ATP8B4: variants seen among roughly 807,000 people sequenced by gnomAD.
ATP8B4 encodes the protein probable phospholipid-transporting ATPase IM.
A neutral mutation model predicts 145.6 loss-of-function variants in ATP8B4; 133 were observed. The observed-to-expected ratio is 0.91, with a 90% CI of 0.79 to 1.05. The LOEUF (loss-of-function observed/expected upper bound fraction) is 1.05. Ranked by LOEUF, ATP8B4 falls within the 50% of genes least tolerant of loss-of-function variation. The pLI, the probability that ATP8B4 is intolerant of heterozygous loss-of-function variation, is 0.00. For synonymous variants in ATP8B4, 507 were observed against 492.9 expected (o/e 1.03, Z -0.38); for missense variants, 1,458 against 1,425.2 (o/e 1.02, Z -0.37).
chr15:50,107,845 A>G (rs550116740), intron 1 of ATP8B4, among the ~76,000 whole-genome samples: 11 of 152,256 alleles, frequency 7.2e-5, no homozygotes, highest in Non-Finnish European at 1.3e-4. Flanking sequence ...AACAACACTT[A>G]TGGCTTAGTA....
chr15:50,158,418 C>T (rs559892223), intron 1 of ATP8B4, among the ~76,000 whole-genome samples: 18 of 149,600 alleles, frequency 1.2e-4, no homozygotes, highest in African/African-American at 4.3e-4. Flanking sequence ...CGGCCAGCTG[C>T]CCCGTCCAGG....
At chr15:50,177,388 A>C (rs1169016701) in intron 1 of ATP8B4, among the ~76,000 whole-genome samples, 1 of 152,260 alleles carries the variant, frequency 6.6e-6, no homozygotes, top group East Asian at 1.9e-4. Context: ...CAGGAAATTG[A>C]ATTCTAGTTA....
At chr15:49,916,116 A>C (rs1218589374) in intron 20 of ATP8B4, among the ~76,000 whole-genome samples, 2 of 152,094 alleles carry the variant, frequency 1.3e-5, no homozygotes, top group East Asian at 1.9e-4. Flanking sequence ...AAGCTACTAC[A>C]AGCAGCAAGC....
At chr15:49,947,585 T>C (rs1455569583) in intron 14 of ATP8B4, among the ~76,000 whole-genome samples, 1 of 58,100 alleles carries the variant, frequency 1.7e-5, no homozygotes, top group Non-Finnish European at 3.1e-5. Flanking sequence ...CCCATCAAAA[T>C]TTCAATGGTA....
intron 17 of ATP8B4, among the ~76,000 whole-genome samples, chr15:49,922,033 A>G (rs552951670): frequency 6.6e-6 from 1 of 152,364 alleles, no homozygotes; most frequent in Non-Finnish European, 1.5e-5. Flanking sequence ...TTACAAAAGG[A>G]AACGGATGAT....
chr15:50,067,740 A>C (rs1033786658), intron 3 of ATP8B4, among the ~76,000 whole-genome samples: 1 of 152,120 alleles, frequency 6.6e-6, no homozygotes, highest in African/African-American at 2.4e-5. Flanking sequence ...TAGTCTAAGC[A>C]GGCACGTCCT....
intron 5 of ATP8B4, among the ~76,000 whole-genome samples, chr15:50,041,028 C>G (rs2051240009): frequency 6.6e-6 from 1 of 152,204 alleles, no homozygotes; most frequent in Non-Finnish European, 1.5e-5. Flanking sequence ...TCATGTCAAA[C>G]TGTTAGTACA....
At chr15:50,048,912 C>T (rs1037502890) in intron 3 of ATP8B4, among the ~76,000 whole-genome samples, 1 of 152,138 alleles carries the variant, frequency 6.6e-6, no homozygotes. Flanking sequence ...CCAGCCCACA[C>T]ATGCACATTA....
At chr15:50,008,763 C>T (rs530443192) in intron 7 of ATP8B4, among the ~76,000 whole-genome samples, 1 of 152,218 alleles carries the variant, frequency 6.6e-6, no homozygotes, top group East Asian at 1.9e-4. Context: ...TGGACCCACT[C>T]CTAAAAATGT....
chr15:50,120,262 G>A (rs1001652147), upstream of ATP8B4, among the ~76,000 whole-genome samples: 1 of 152,030 alleles, frequency 6.6e-6, no homozygotes, highest in Non-Finnish European at 1.5e-5. Flanking sequence ...TCCTACCAAG[G>A]TTCCACAGTA....
intron 1 of ATP8B4, among the ~76,000 whole-genome samples, chr15:50,134,032 G>A (rs759936907): frequency 6.6e-6 from 1 of 152,198 alleles, no homozygotes; most frequent in Admixed American, 6.5e-5. Context: ...ATGTTAATTA[G>A]CTTGATTATG....
At chr15:49,966,031 TCC>T (rs1176303005) in intron 13 of ATP8B4, among the ~76,000 whole-genome samples, 1 of 152,094 alleles carries the variant, frequency 6.6e-6, no homozygotes, top group African/African-American at 2.4e-5. Context: ...GGGAACTCCC[TCC>T]CCTAGCAAAG....
At chr15:50,076,187 T>G (rs114593582) in intron 2 of ATP8B4, among the ~76,000 whole-genome samples, 2,131 of 152,280 alleles carry the variant, frequency 0.014, 51 homozygotes, top group African/African-American at 0.049. Flanking sequence ...ATCTTGACTC[T>G]GTGAGCCACA....
chr15:50,021,813 G>A (rs1489205347), intron 6 of ATP8B4, among the ~76,000 whole-genome samples: 1 of 152,210 alleles, frequency 6.6e-6, no homozygotes, highest in African/African-American at 2.4e-5. Flanking sequence ...ATAGGAGAGT[G>A]CGTGGCACAT....
chr15:50,091,642 T>C (rs2055618399), intron 2 of ATP8B4, among the ~76,000 whole-genome samples: 1 of 152,172 alleles, frequency 6.6e-6, no homozygotes, highest in South Asian at 2.1e-4. Flanking sequence ...GACTAAAGTT[T>C]AGCTCATTCC....
intron 1 of ATP8B4, among the ~76,000 whole-genome samples, chr15:50,167,647 T>C (rs1312482638): frequency 6.6e-6 from 1 of 152,148 alleles, no homozygotes; most frequent in Non-Finnish European, 1.5e-5. Context: ...CGAGACACAT[T>C]TGATCCACTA....
At chr15:50,039,688 C>T (rs2051121620) in intron 5 of ATP8B4, among the ~76,000 whole-genome samples, 1 of 152,152 alleles carries the variant, frequency 6.6e-6, no homozygotes, top group Non-Finnish European at 1.5e-5. Flanking sequence ...ACAGAAACTT[C>T]GATTTCATAG....
intron 19 of ATP8B4, among the ~76,000 whole-genome samples, chr15:49,917,700 T>TA (rs2153451921): frequency 6.6e-6 from 1 of 152,308 alleles, no homozygotes; most frequent in South Asian, 2.1e-4. Flanking sequence ...AGATAACTCC[T>TA]TCTATCTAAT....
intron 3 of ATP8B4, among the ~76,000 whole-genome samples, chr15:50,068,682 G>T (rs1423278984): frequency 6.6e-6 from 1 of 152,082 alleles, no homozygotes. Context: ...TGAGTTTGAG[G>T]CAGGGTAAGT....
Sources: allele counts gnomAD v4.1 joint callset (sites outside exome capture counted in the v4.1 genomes callset), GRCh38; gene constraint gnomAD v4.1.1; transcripts MANE v1.5; gene names NCBI Gene and HGNC (gene_info 2026-07-23, HGNC 2026-07-21).